The following TRAPPC9 variants were observed in gnomAD, a reference collection of about 807,000 sequenced individuals.
TRAPPC9 encodes the protein trafficking protein particle complex subunit 9.
Under a neutral mutation model 124.0 loss-of-function variants are expected in TRAPPC9, and 83 were observed. The observed-to-expected ratio is 0.67, with a 90% CI of 0.56 to 0.80. The LOEUF is 0.80. Ranked by LOEUF, TRAPPC9 falls within the 30% of genes least tolerant of loss-of-function variation. The probability of loss-of-function intolerance (pLI) is 0.00; values close to 1 mark genes in which losing one functional copy is unlikely to be tolerated. For synonymous variants in TRAPPC9, 638 were observed against 617.5 expected, an observed-to-expected ratio of 1.03 and a Z score of -0.49; for missense variants, 1,302 against 1,508.3, an observed-to-expected ratio of 0.86 and a Z score of 2.27.
intron 17 of TRAPPC9, among the ~76,000 whole-genome samples, chr8:140,154,201 A>C (rs1344292700): frequency 6.6e-6 from 1 of 151,848 alleles, no homozygotes; most frequent in Non-Finnish European, 1.5e-5. Flanking sequence ...TCCACTCCCC[A>C]TCCAACGCCC....
intron 9 of TRAPPC9, among the ~76,000 whole-genome samples, chr8:140,323,294 T>C (rs911212982): frequency 6.6e-6 from 1 of 152,204 alleles, no homozygotes; most frequent in Non-Finnish European, 1.5e-5. Flanking sequence ...TCCTTTGTAA[T>C]ATCCTTTACA....
chr8:140,026,418 C>T (rs932724262), intron 17 of TRAPPC9, among the ~76,000 whole-genome samples: 2 of 152,180 alleles, frequency 1.3e-5, no homozygotes, highest in East Asian at 1.9e-4. Flanking sequence ...CATATTGTTT[C>T]GCACAGTGGC....
rs375165999 is a variant in TRAPPC9 at position 140,037,816 on chromosome 8, TACAC to T, written c.2557-13741_2557-13738del. 2.2e-3 allele frequency among the ~76,000 whole-genome samples: 272 copies of T among 124,472 alleles called. 1 individual carries two copies. The highest frequency in any genetic ancestry group is 6.0e-3 in the African/African-American group (201 of 33,430). 81.7% of individuals were successfully genotyped at this position (124,472 alleles called of 152,430 possible). A position where few individuals can be genotyped will look rare whatever the true frequency, so the allele number is the denominator to read the frequency against. ...CACGCACACCCAACACACACACAGA[TACAC>T]ACATACCCAACACACACCAACACAC... is the stretch of plus-strand genomic sequence containing the variant. On this transcript the variant is annotated intron_variant, in intron 17 of 22. Transcript: ENST00000438773.
chr8:139,917,167 C>T (rs117332545), intron 19 of TRAPPC9, among the ~76,000 whole-genome samples: 252 of 99,846 alleles, frequency 2.5e-3, no homozygotes, highest in Middle Eastern at 0.01. Flanking sequence ...TTATTATTTT[C>T]TTTTTTTTTT....
At chr8:139,896,461 C>T (rs1303237711) in intron 20 of TRAPPC9, among the ~76,000 whole-genome samples, 4 of 152,186 alleles carry the variant, frequency 2.6e-5, no homozygotes, top group Non-Finnish European at 5.9e-5. Context: ...CAAGCTAAGA[C>T]TTCAGAATAT....
At chr8:139,942,740 G>A (rs1048559906) in intron 19 of TRAPPC9, among the ~76,000 whole-genome samples, 4 of 152,168 alleles carry the variant, frequency 2.6e-5, no homozygotes, top group Non-Finnish European at 4.4e-5. Context: ...GGAAAACCAC[G>A]GTGCCAGGTA....
At chr8:139,874,416 C>T (rs906676560) in intron 21 of TRAPPC9, among the ~76,000 whole-genome samples, 1 of 152,204 alleles carries the variant, frequency 6.6e-6, no homozygotes, top group African/African-American at 2.4e-5. Context: ...GAAGACACAG[C>T]CCGCAGACAG....
At chr8:140,356,968 C>T (rs1460738707) in intron 9 of TRAPPC9, among the ~76,000 whole-genome samples, 4 of 152,164 alleles carry the variant, frequency 2.6e-5, no homozygotes, top group African/African-American at 9.7e-5. Flanking sequence ...TCCCCATAAG[C>T]AATCACGATG....
intron 10 of TRAPPC9, among the ~76,000 whole-genome samples, chr8:140,308,802 A>AC (rs1271483841): frequency 1.3e-5 from 2 of 151,512 alleles, no homozygotes; most frequent in African/African-American, 2.4e-5. Context: ...AATCACTTGA[A>AC]CCCGGGAGGT....
intron 21 of TRAPPC9, among the ~76,000 whole-genome samples, chr8:139,858,693 C>T (rs992444411): frequency 6.6e-6 from 1 of 152,042 alleles, no homozygotes; most frequent in Admixed American, 6.6e-5. Flanking sequence ...TGAGTGTCTA[C>T]ACCTGCAACA....
At chr8:140,388,543 C>T (rs867383643) in intron 7 of TRAPPC9, among the ~76,000 whole-genome samples, 1 of 151,952 alleles carries the variant, frequency 6.6e-6, no homozygotes, top group East Asian at 1.9e-4. Context: ...ATTAGTCGGG[C>T]GTGGTGGCAC....
intron 21 of TRAPPC9, among the ~76,000 whole-genome samples, chr8:139,860,236 T>G (rs1828041147): frequency 1.3e-5 from 2 of 152,130 alleles, no homozygotes; most frequent in African/African-American, 4.8e-5. Flanking sequence ...CCACATCATC[T>G]TCAAAAGGTA....
At chr8:139,800,508 T>C (rs1280828589) in intron 21 of TRAPPC9, among the ~76,000 whole-genome samples, 1 of 152,180 alleles carries the variant, frequency 6.6e-6, no homozygotes, top group Non-Finnish European at 1.5e-5. Context: ...GTCCCAAAGC[T>C]GAGGGGCAGT....
At chr8:139,793,154 C>T (rs1316837344) in intron 21 of TRAPPC9, among the ~76,000 whole-genome samples, 1 of 152,176 alleles carries the variant, frequency 6.6e-6, no homozygotes, top group Non-Finnish European at 1.5e-5. Context: ...TGCTTCATCT[C>T]TCGGAGCCTA....
At chr8:139,856,915 C>CCT (rs770022854) in intron 21 of TRAPPC9, among the ~76,000 whole-genome samples, 2 of 152,142 alleles carry the variant, frequency 1.3e-5, no homozygotes, top group Non-Finnish European at 2.9e-5. Flanking sequence ...CTGCTGTGAA[C>CCT]CTGACGCTGC....
chr8:140,159,076 G>A (rs78895871), intron 17 of TRAPPC9, among the ~76,000 whole-genome samples: 5,346 of 152,226 alleles, frequency 0.035, 310 homozygotes, highest in African/African-American at 0.12. Flanking sequence ...GACGGACCCG[G>A]GAAGTGGAGA....
chr8:140,116,559 C>T (rs1008048613), intron 17 of TRAPPC9, among the ~76,000 whole-genome samples: 3 of 152,146 alleles, frequency 2.0e-5, no homozygotes, highest in African/African-American at 2.4e-5. Context: ...ATGCTGATGC[C>T]TGTAATTTAC....
intron 15 of TRAPPC9, among the ~76,000 whole-genome samples, chr8:140,262,085 C>T (rs1195780031): frequency 2.6e-5 from 4 of 152,182 alleles, no homozygotes; most frequent in African/African-American, 9.7e-5. Flanking sequence ...TTTAGGGAAG[C>T]TACTCAGGCC....
At chr8:140,123,261 G>A (rs969454748) in intron 17 of TRAPPC9, among the ~76,000 whole-genome samples, 2 of 152,112 alleles carry the variant, frequency 1.3e-5, no homozygotes, top group Admixed American at 6.5e-5. Context: ...AAGCTCACAA[G>A]TGCTCCAGCC....
Sources: gnomAD v4.1 joint callset for allele counts (sites outside exome capture counted in the v4.1 genomes callset) on GRCh38, gnomAD v4.1.1 for gene constraint, MANE v1.5 for transcripts, NCBI Gene and HGNC (gene_info 2026-07-23, HGNC 2026-07-21) for gene names.